The following ZHX3 variants were observed in gnomAD, a reference collection of about 807,000 sequenced individuals.
The protein encoded by ZHX3 is zinc fingers and homeoboxes 3, also known as zinc fingers and homeoboxes protein 3.
ZHX3 carries 20 observed loss-of-function variants against 64.5 expected under a neutral mutation model. That is an observed-to-expected ratio of 0.31 (90% confidence interval 0.22 to 0.45). The LOEUF (loss-of-function observed/expected upper bound fraction) is 0.45, where lower values mean the gene tolerates loss of function less well. Among genes scored for constraint, ZHX3 ranks in the 20% least tolerant of loss-of-function variants. ZHX3 has a pLI of 1.00. For synonymous variants in ZHX3, 423 were observed against 461.6 expected (o/e 0.92, Z 1.07); for missense variants, 1,041 against 1,195.8 (o/e 0.87, Z 1.91).
intron 1 of ZHX3, among the ~76,000 whole-genome samples, chr20:41,293,619 A>G (rs142000482): frequency 1.3e-5 from 2 of 152,234 alleles, no homozygotes; most frequent in Non-Finnish European, 2.9e-5. Flanking sequence ...AGAACTAGCT[A>G]TAAGTCTGGT....
chr20:41,285,400 C>G (rs1179918122), intron 1 of ZHX3, among the ~76,000 whole-genome samples: 5 of 152,118 alleles, frequency 3.3e-5, no homozygotes, highest in Admixed American at 6.5e-5. Flanking sequence ...GTTAGGAAGC[C>G]CATCTTCTAA....
chr20:41,237,020 C>G (rs2041046945), intron 2 of ZHX3, among the ~76,000 whole-genome samples: 1 of 152,230 alleles, frequency 6.6e-6, no homozygotes, highest in African/African-American at 2.4e-5. Flanking sequence ...AAATGCTCAT[C>G]ATCACTGGCT....
Position 41,184,654 on chromosome 20 carries a change from G to T in ZHX3, c.*537C>A. 1 of 485,908 alleles carries T rather than the reference G, an allele frequency of 2.1e-6. No homozygotes were observed. The allele number at this position is 485,908 out of a possible 1,614,324, so 30.1% of individuals were successfully genotyped here. A position where few individuals can be genotyped will look rare whatever the true frequency, so the allele number is the denominator to read the frequency against. On this transcript the variant is annotated 3_prime_UTR_variant, in exon 4 of 4. Transcript: ENST00000683867. ...CTGCTTCCTTGAGGAACACAAAGGG[G>T]GCACAAAGGGGTTCCAGACGTAGCT...
intron 2 of ZHX3, among the ~76,000 whole-genome samples, chr20:41,264,385 C>CAA (rs1165922837): frequency 0.02 from 1,465 of 74,400 alleles, 22 homozygotes; most frequent in Admixed American, 0.032. Context: ...ACCAAAAATA[C>CAA]AAAAAAAAAA....
At chr20:41,275,609 A>T (rs982725412) in intron 1 of ZHX3, among the ~76,000 whole-genome samples, 5 of 152,232 alleles carry the variant, frequency 3.3e-5, no homozygotes, top group Non-Finnish European at 5.9e-5. Context: ...ACAGTGAGCA[A>T]GGCTGGTCAG....
Position 41,182,993 on chromosome 20 carries a change from G to A in ZHX3, c.*2198C>T, listed in dbSNP as rs908220921. On this transcript the variant is annotated 3_prime_UTR_variant, in exon 4 of 4. Coordinates refer to ENST00000683867, the MANE Select transcript of ZHX3 (RefSeq NM_001384317.1). The surrounding 1 kb of genome is among the most constrained non-coding windows in gnomAD (Gnocchi z 6.1). ...TGATGCCAGCAGGATCTGGAGGTGA[G>A]GCACTGGGTGGTTTCTCAGACACCC... 2 of 152,218 alleles carry A rather than the reference G, an allele frequency of 1.3e-5. No homozygotes were observed. Among genetic ancestry groups the A allele is most frequent in the Admixed American group, 6.5e-5 (1 of 15,270 alleles). The allele number at this position is 152,218 out of a possible 1,614,324, so 9.4% of individuals were successfully genotyped here.
intron 2 of ZHX3, among the ~76,000 whole-genome samples, chr20:41,231,970 T>C (rs1307907260): frequency 9.2e-5 from 14 of 152,182 alleles, no homozygotes; most frequent in Admixed American, 7.2e-4. Flanking sequence ...ATGTGGAAAC[T>C]AGCTATGGAA....
rs1311347291 is a variant in ZHX3, at chr20:41,180,513, T to C, written c.*4678A>G. On this transcript the variant is annotated 3_prime_UTR_variant, in exon 4 of 4. Transcript: ENST00000683867. ...AACTTCTTTGCCATAGAAACTTCTC[T>C]GTTGAAGGACTGCGTCCCCATTCAA... The C allele has an allele frequency of 6.6e-6, 1 of 152,270 alleles. No individual in the cohort carries two copies. The highest frequency in any genetic ancestry group is 1.5e-5 in the Non-Finnish European group (1 of 68,084). The allele number at this position is 152,270 out of a possible 1,614,324, so 9.4% of individuals were successfully genotyped here.
intron 2 of ZHX3, among the ~76,000 whole-genome samples, chr20:41,241,055 G>A (rs1235282428): frequency 6.6e-6 from 1 of 152,162 alleles, no homozygotes; most frequent in Non-Finnish European, 1.5e-5. Context: ...TGGATTGTAT[G>A]ATAGCTCTAT....
At chr20:41,248,296 TACA>T (rs2041813271) in intron 2 of ZHX3, among the ~76,000 whole-genome samples, 2 of 152,210 alleles carry the variant, frequency 1.3e-5, no homozygotes, top group Admixed American at 1.3e-4. Flanking sequence ...GTGCCTGTCA[TACA>T]ACGATTTCTC....
chr20:41,184,809 G>A lies in ZHX3; in HGVS notation c.*382C>T, dbSNP rs1568775107. 4 of 1,340,868 alleles carry A rather than the reference G, an allele frequency of 3.0e-6. No individual in the cohort carries two copies. In the South Asian group the frequency reaches 4.5e-5, roughly 15 times the overall value. The allele number at this position is 1,340,868 out of a possible 1,614,324, so 83.1% of individuals were successfully genotyped here. A position where few individuals can be genotyped will look rare whatever the true frequency, so the allele number is the denominator to read the frequency against. On this transcript the variant is annotated 3_prime_UTR_variant, in exon 4 of 4. Coordinates refer to ENST00000683867, the MANE Select transcript of ZHX3 (RefSeq NM_001384317.1). Reference sequence around the variant, plus strand: ...ACAATGCACTGCTTGGCTAACCAAAGTTTCTACGTAATGACAGTGTTGATA... The same window carrying A: ...ACAATGCACTGCTTGGCTAACCAAAATTTCTACGTAATGACAGTGTTGATA...
chr20:41,184,886 A>G lies in ZHX3; in HGVS notation c.*305T>C, dbSNP rs1434644582. ...GGTGGATGTATATGTTAAAAGCTTGATTCTGTGTCTATGAATATGACTATG... is the reference window on the plus strand; with the variant it reads ...GGTGGATGTATATGTTAAAAGCTTGGTTCTGTGTCTATGAATATGACTATG... On this transcript the variant is annotated 3_prime_UTR_variant, in exon 4 of 4. Transcript: ENST00000683867. 1 of 1,515,632 alleles carries G rather than the reference A, an allele frequency of 6.6e-7. No individual in the cohort carries two copies. Among genetic ancestry groups the G allele is most frequent in the Non-Finnish European group, 8.8e-7 (1 of 1,133,134 alleles). 93.9% of individuals were successfully genotyped at this position (1,515,632 alleles called of 1,614,324 possible).
Position 41,219,240 on chromosome 20 carries a change from C to T in ZHX3, c.-150-14174G>A, listed in dbSNP as rs1226820550. Reference sequence around the variant, plus strand: ...CACCGCACCTGGCCTTCCCCCTCAACTCTTATTTTTGTCTAATCACCAACA... The same window carrying T: ...CACCGCACCTGGCCTTCCCCCTCAATTCTTATTTTTGTCTAATCACCAACA... On this transcript the variant is annotated intron_variant, in intron 2 of 3. Coordinates refer to ENST00000683867, the MANE Select transcript of ZHX3 (RefSeq NM_001384317.1). The surrounding 1 kb of genome is among the most constrained non-coding windows in gnomAD (Gnocchi z 5.0). Among the ~76,000 whole-genome samples, 1 of 152,086 alleles carries T rather than the reference C, an allele frequency of 6.6e-6. No homozygotes were observed.
chr20:41,263,003 A>T (rs2042637410), intron 2 of ZHX3, among the ~76,000 whole-genome samples: 1 of 152,246 alleles, frequency 6.6e-6, no homozygotes, highest in Non-Finnish European at 1.5e-5. Flanking sequence ...TCACCTTTAA[A>T]ATTTGTTTAA....
At position 41,222,107 on chromosome 20, in the gene ZHX3, G is replaced by A. The variant is rs1241778177; in HGVS notation, c.-150-17041C>T. Among the ~76,000 whole-genome samples, 4 of 152,354 alleles carry A rather than the reference G, an allele frequency of 2.6e-5. No homozygotes were observed. In the South Asian group the frequency reaches 6.2e-4, roughly 24 times the overall value. On this transcript the variant is annotated intron_variant, in intron 2 of 3. Transcript: ENST00000683867. ...TAGGAAAACACAGTGGAGAAGTAGG[G>A]AAACTTGTCAGACATCAATCTAGGC...
chr20:41,270,314 T>G (rs1015555103), intron 1 of ZHX3, among the ~76,000 whole-genome samples: 1 of 142,826 alleles, frequency 7.0e-6, no homozygotes, highest in African/African-American at 2.7e-5. Context: ...AAGCAGCAGT[T>G]GCAGTGAGCC....
rs1220154167 is a variant in ZHX3, at chr20:41,233,585, C to T, written c.-150-28519G>A. Among the ~76,000 whole-genome samples the T allele has an allele frequency of 2.0e-5, 3 of 152,164 alleles. 1 individual carries two copies. Among genetic ancestry groups the T allele is most frequent in the African/African-American group, 4.8e-5 (2 of 41,418 alleles). The stretch of plus-strand genomic sequence containing the variant: ...GTCCTAGGTGAATAAAACATATGCC[C>T]TGTGTCTGAGATTCACAGTGCAGTA... On this transcript the variant is annotated intron_variant, in intron 2 of 3. Coordinates refer to ENST00000683867, the MANE Select transcript of ZHX3 (RefSeq NM_001384317.1).
rs1055023515 is a variant in ZHX3 at position 41,181,004 on chromosome 20, A to G, written c.*4187T>C. The G allele has an allele frequency of 6.6e-6, 1 of 152,260 alleles. No individual in the cohort carries two copies. Among genetic ancestry groups the G allele is most frequent in the East Asian group, 1.9e-4 (1 of 5,196 alleles). The allele number at this position is 152,260 out of a possible 1,614,324, so 9.4% of individuals were successfully genotyped here. On this transcript the variant is annotated 3_prime_UTR_variant, in exon 4 of 4. Transcript: ENST00000683867. Reference sequence around the variant, plus strand: ...TCCACAACTGCCCATTTGCTCAGACAATGGAGCTTTTCTGAGATCAAGTGC... The same window carrying G: ...TCCACAACTGCCCATTTGCTCAGACGATGGAGCTTTTCTGAGATCAAGTGC...
chr20:41,282,453 G>T (rs1243917581), intron 1 of ZHX3, among the ~76,000 whole-genome samples: 13 of 139,736 alleles, frequency 9.3e-5, no homozygotes, highest in African/African-American at 3.5e-4. Context: ...TCGCCTCCAG[G>T]GTTCAAGCGA....
Sources: allele counts gnomAD v4.1 joint callset (sites outside exome capture counted in the v4.1 genomes callset), GRCh38; gene constraint gnomAD v4.1.1; non-coding constraint Gnocchi (gnomAD v3.1); transcripts MANE v1.5; gene names NCBI Gene and HGNC (gene_info 2026-07-23, HGNC 2026-07-21).